KMT2C: variants seen among roughly 807,000 people sequenced by gnomAD.
The protein encoded by KMT2C is lysine methyltransferase 2C.
In KMT2C, 88 loss-of-function variants were observed where a neutral mutation model predicts 507.9. That is an observed-to-expected ratio of 0.17 (90% confidence interval 0.15 to 0.21). KMT2C has a LOEUF of 0.21. Among genes scored for constraint, KMT2C ranks in the 10% least tolerant of loss-of-function variants. The pLI, the probability that KMT2C is intolerant of heterozygous loss-of-function variation, is 1.00. For missense variants in KMT2C, 4,954 were observed against 5,957.8 expected (o/e 0.83, Z 5.55); for synonymous variants, 2,049 against 2,080.8 (o/e 0.98, Z 0.42).
chr7:152,164,390 C>T (rs915345222), intron 42 of KMT2C, among the ~76,000 whole-genome samples: 4 of 151,124 alleles, frequency 2.6e-5, no homozygotes, highest in South Asian at 2.1e-4. Context: ...CCCGGGTTCA[C>T]GCCATTCTCC....
intron 22 of KMT2C, among the ~76,000 whole-genome samples, chr7:152,221,647 TA>T (rs2094776298): frequency 6.6e-6 from 1 of 152,222 alleles, no homozygotes; most frequent in Non-Finnish European, 1.5e-5. Context: ...TTAATTATTT[TA>T]AAAATTAAGA....
intron 15 of KMT2C, among the ~76,000 whole-genome samples, chr7:152,237,126 T>C (rs2095290937): frequency 1.3e-5 from 2 of 152,222 alleles, no homozygotes; most frequent in Non-Finnish European, 1.5e-5. Flanking sequence ...ATGAATTATG[T>C]ATATTTAAAA....
chr7:152,265,750 C>T (rs10245454), intron 7 of KMT2C, among the ~76,000 whole-genome samples: 22,439 of 150,370 alleles, frequency 0.15, 4,409 homozygotes, highest in African/African-American at 0.45. Flanking sequence ...CTGGAAAATG[C>T]CTTATGTGGA....
chr7:152,303,320 G>A (rs765928348), intron 6 of KMT2C, among the ~76,000 whole-genome samples: 13 of 152,098 alleles, frequency 8.5e-5, no homozygotes, highest in Non-Finnish European at 1.3e-4. Flanking sequence ...CAGCACTATC[G>A]GCATTTTAAG....
At chr7:152,201,331 C>T (rs577765815) in intron 26 of KMT2C, among the ~76,000 whole-genome samples, 40 of 150,734 alleles carry the variant, frequency 2.7e-4, no homozygotes, top group African/African-American at 8.3e-4. Context: ...CACACACACA[C>T]GCTGAAAGTT....
chr7:152,314,064 A>G (rs2096699553), intron 4 of KMT2C, among the ~76,000 whole-genome samples: 1 of 152,272 alleles, frequency 6.6e-6, no homozygotes, highest in Non-Finnish European at 1.5e-5. Flanking sequence ...ACTGACAACT[A>G]AAGAAAAAGC....
At position 152,183,742 on chromosome 7, in the gene KMT2C, C is replaced by A. The variant is rs1268936475; in HGVS notation, c.5083-586G>T. On this transcript the variant is annotated intron_variant, in intron 34 of 58. Coordinates refer to ENST00000262189, the MANE Select transcript of KMT2C (RefSeq NM_170606.3). ...AGACACCCCATCTCTACTAAAAATA[C>A]AAAATTAGCCAGATGTGGTGGCACA... Among the ~76,000 whole-genome samples, 5 of 151,920 alleles carry A rather than the reference C, an allele frequency of 3.3e-5. No individual in the cohort carries two copies. In the East Asian group the frequency reaches 5.8e-4, roughly 18 times the overall value.
In KMT2C at chr7:152,194,048, G is replaced by A. The variant is rs2129128831; in HGVS notation, c.4621C>T (p.Pro1541Ser). The part of the protein sequence containing the change: ...ANTQPTPLPQ[P>S]PPPTQLLPIH... ...GGCAACAGCTGTGTTGGTGGGGGAG[G>A]CTGTGGCAATGGAGTTGGCTGAGTG... is the stretch of plus-strand genomic sequence containing the variant. Residue 1541 changes from proline to serine, a missense_variant, in exon 31 of 59, where the codon CCT (proline) becomes TCT (serine). By Grantham distance (74) the Pro-to-Ser change is moderately conservative. This residue lies in a region of KMT2C where 195 missense variants were observed against 183.7 expected (regional missense o/e 1.06). Coordinates refer to ENST00000262189, the MANE Select transcript of KMT2C (RefSeq NM_170606.3). 1 of 1,586,660 alleles carries A rather than the reference G, an allele frequency of 6.3e-7. No individual in the cohort carries two copies.
At chr7:152,365,252 T>C (rs1458216862) in intron 1 of KMT2C, among the ~76,000 whole-genome samples, 3 of 152,256 alleles carry the variant, frequency 2.0e-5, no homozygotes, top group African/African-American at 7.2e-5. Context: ...GGCTCACGCC[T>C]ATAATCCCAG....
chr7:152,304,513 T>C (rs1342252030), intron 6 of KMT2C, among the ~76,000 whole-genome samples: 1 of 152,188 alleles, frequency 6.6e-6, no homozygotes. Flanking sequence ...AATATCAATA[T>C]AAATAGTTCA....
chr7:152,413,647 G>A (rs898678019), intron 1 of KMT2C, among the ~76,000 whole-genome samples: 2 of 151,142 alleles, frequency 1.3e-5, no homozygotes, highest in Non-Finnish European at 2.9e-5. Context: ...CACTTTGGGA[G>A]GCCGAGGCAG....
At position 152,157,321 on chromosome 7, in the gene KMT2C, C is replaced by A. The variant is rs1458791400; in HGVS notation, c.11671-975G>T. On this transcript the variant is annotated intron_variant, in intron 44 of 58. Transcript: ENST00000262189. ...CTGGCCTGGGTGACAGAGCGAGACC[C>A]TGTCTCAAAAAAAAAAAAAAAACCT... Among the ~76,000 whole-genome samples the A allele has an allele frequency of 2.8e-5, 4 of 141,908 alleles. No homozygotes were observed. The East Asian group carries it at 6.1e-4, about 22-fold the overall frequency. The allele number at this position is 141,908 out of a possible 152,430, so 93.1% of individuals were successfully genotyped here.
chr7:152,212,874 C>G (rs1047000743), intron 23 of KMT2C, among the ~76,000 whole-genome samples: 11 of 152,188 alleles, frequency 7.2e-5, no homozygotes, highest in Non-Finnish European at 2.9e-5. Flanking sequence ...AACCCTGTCT[C>G]TACTAAAAAT....
At position 152,384,044 on chromosome 7, in the gene KMT2C, C is replaced by CTGTG. The variant is rs560853000; in HGVS notation, c.162-25373_162-25370dup. 4.5e-3 allele frequency among the ~76,000 whole-genome samples: 676 copies of CTGTG among 149,880 alleles called. 10 individuals carry two copies. The highest frequency in any genetic ancestry group is 0.016 in the African/African-American group (628 of 39,940). Reference sequence around the variant, plus strand: ...AGATCCGAGAGGCAGACATGTGTGTCTGTGTGTGTGTGCGTGTGTGTAGGC... The same window carrying CTGTG: ...AGATCCGAGAGGCAGACATGTGTGTCTGTGTGTGTGTGTGTGCGTGTGTGTAGGC... On this transcript the variant is annotated intron_variant, in intron 1 of 58. Coordinates refer to ENST00000262189, the MANE Select transcript of KMT2C (RefSeq NM_170606.3).
At chr7:152,252,177 T>A (rs939150134) in intron 10 of KMT2C, 87 bp from the exon 11 acceptor site, 10 of 938,634 alleles carry the variant, frequency 1.1e-5, no homozygotes, top group African/African-American at 8.4e-5. Flanking sequence ...AAGCTGGATA[T>A]GAAAACAGTT....
intron 24 of KMT2C, among the ~76,000 whole-genome samples, chr7:152,206,432 G>T (rs577020556): frequency 6.6e-6 from 1 of 152,082 alleles, no homozygotes; most frequent in Non-Finnish European, 1.5e-5. Context: ...CCTTATTATA[G>T]ATATGACCTA....
chr7:152,388,481 C>A (rs2097454556), intron 1 of KMT2C, among the ~76,000 whole-genome samples: 2 of 151,962 alleles, frequency 1.3e-5, no homozygotes, highest in Non-Finnish European at 2.9e-5. Context: ...ATCGCTTGAA[C>A]CCGGGAGGCG....
chr7:152,333,438 CTT>C (rs1359834297), intron 2 of KMT2C, among the ~76,000 whole-genome samples: 2 of 152,134 alleles, frequency 1.3e-5, no homozygotes, highest in Admixed American at 6.5e-5. Context: ...ATAAGCTCCT[CTT>C]TGAAGAACTT....
intron 1 of KMT2C, among the ~76,000 whole-genome samples, chr7:152,427,776 C>T (rs2097833175): frequency 1.3e-5 from 2 of 152,312 alleles, no homozygotes; most frequent in South Asian, 4.1e-4. Context: ...TCTTTAAATA[C>T]TTATCCTAAT....
Sources: allele counts gnomAD v4.1 joint callset (sites outside exome capture counted in the v4.1 genomes callset), GRCh38; gene constraint gnomAD v4.1.1; regional missense constraint gnomAD v4.1.1; transcripts MANE v1.5; gene names NCBI Gene and HGNC (gene_info 2026-07-23, HGNC 2026-07-21).